ANXA13: variants seen among roughly 807,000 people sequenced by gnomAD.
ANXA13 encodes annexin XIII.
Under a neutral mutation model 46.6 loss-of-function variants are expected in ANXA13, and 36 were observed. The observed-to-expected ratio is 0.77, with a 90% CI of 0.59 to 1.02. The LOEUF is 1.02. Among genes scored for constraint, ANXA13 ranks in the 50% least tolerant of loss-of-function variants. The pLI, the probability that ANXA13 is intolerant of heterozygous loss-of-function variation, is 0.00. For synonymous variants in ANXA13, 163 were observed against 152.9 expected (o/e 1.07, Z -0.49); for missense variants, 417 against 396.5 (o/e 1.05, Z -0.44).
At chr8:123,695,328 T>C (rs1163079529) in intron 6 of ANXA13, among the ~76,000 whole-genome samples, 174 bp downstream of exon 6, 2 of 152,228 alleles carry the variant, frequency 1.3e-5, no homozygotes, top group Admixed American at 6.5e-5. Context: ...GTAATTCCAA[T>C]TGAATATAAT....
intron 1 of ANXA13, among the ~76,000 whole-genome samples, chr8:123,723,827 T>C (rs534624169): frequency 6.6e-6 from 1 of 152,336 alleles, no homozygotes; most frequent in East Asian, 1.9e-4. Context: ...GGCTAGGTTA[T>C]GTCATGTTCA....
intron 9 of ANXA13, 55 bp downstream of exon 9, chr8:123,688,816 A>T: frequency 6.6e-7 from 1 of 1,506,270 alleles, no homozygotes; most frequent in Non-Finnish European, 9.2e-7. Flanking sequence ...CCTCTGTCTG[A>T]GTCTGGTTCC....
intron 3 of ANXA13, among the ~76,000 whole-genome samples, chr8:123,700,865 C>G (rs901100521): frequency 4.6e-5 from 7 of 151,886 alleles, no homozygotes; most frequent in Non-Finnish European, 7.4e-5. Flanking sequence ...CTCTGTCACC[C>G]AGGCTGGAGT....
chr8:123,719,968 A>C (rs977177185), intron 1 of ANXA13, among the ~76,000 whole-genome samples: 2 of 152,136 alleles, frequency 1.3e-5, no homozygotes, highest in Admixed American at 1.3e-4. Flanking sequence ...TACGGTAAGC[A>C]CTCAGGTGGT....
At chr8:123,717,768 G>A (rs868380914) in intron 1 of ANXA13, among the ~76,000 whole-genome samples, 95 of 152,336 alleles carry the variant, frequency 6.2e-4, no homozygotes, top group African/African-American at 2.3e-3. Flanking sequence ...GTAGGGAGTA[G>A]GCCGAGGCGA....
At chr8:123,728,717 C>T (rs1418154788) in intron 1 of ANXA13, 2 of 152,078 alleles carry the variant, frequency 1.3e-5, no homozygotes. Context: ...GCTAAATTTG[C>T]TTTGAGCAAA....
chr8:123,722,270 A>G (rs568596424), intron 1 of ANXA13, among the ~76,000 whole-genome samples: 2 of 151,964 alleles, frequency 1.3e-5, no homozygotes, highest in South Asian at 4.2e-4. Context: ...CCGTGGTTGC[A>G]CTACTACACT....
Position 123,684,106 on chromosome 8 carries a change from G to A in ANXA13, c.831+504C>T, listed in dbSNP as rs553303509. Among the ~76,000 whole-genome samples, 5 of 152,316 alleles carry A rather than the reference G, an allele frequency of 3.3e-5. No individual in the cohort carries two copies. The South Asian group carries it at 6.2e-4, about 19-fold the overall frequency. On this transcript the variant is annotated intron_variant, in intron 10 of 10. Coordinates refer to ENST00000419625, the MANE Select transcript of ANXA13 (RefSeq NM_004306.4). ...TTTCTTGTGGGGAAGGGATGGCAAT[G>A]AAGAAACACGTGTCTAAAAAGGTTC...
At chr8:123,686,724 T>C (rs866761360) in intron 9 of ANXA13, among the ~76,000 whole-genome samples, 3 of 152,122 alleles carry the variant, frequency 2.0e-5, no homozygotes, top group Admixed American at 6.6e-5. Flanking sequence ...AGGGGGTCCA[T>C]AGACCTCACT....
chr8:123,685,628 T>C (rs1375599208), intron 9 of ANXA13, among the ~76,000 whole-genome samples: 4 of 152,208 alleles, frequency 2.6e-5, no homozygotes, highest in Non-Finnish European at 5.9e-5. Context: ...ATGGGGCTGT[T>C]GTTGTCTAGG....
intron 2 of ANXA13, among the ~76,000 whole-genome samples, chr8:123,710,221 C>A (rs1030719565): frequency 1.3e-5 from 2 of 152,182 alleles, no homozygotes; most frequent in Non-Finnish European, 1.5e-5. Flanking sequence ...ATGTAAAAAA[C>A]CTATCACTTG....
At chr8:123,717,220 A>G (rs543751518) in intron 1 of ANXA13, among the ~76,000 whole-genome samples, 6 of 152,112 alleles carry the variant, frequency 3.9e-5, no homozygotes, top group Non-Finnish European at 8.8e-5. Context: ...CTAAGCTACC[A>G]TTTCCTCATC....
intron 2 of ANXA13, 120 bp from the exon 3 acceptor site, chr8:123,702,856 A>T (rs1813470111): frequency 6.1e-6 from 5 of 818,490 alleles, no homozygotes; most frequent in Non-Finnish European, 1.0e-5. Context: ...GTGTCTATGG[A>T]ACCCAACGGA....
intron 1 of ANXA13, among the ~76,000 whole-genome samples, chr8:123,729,763 T>C (rs139311419): frequency 6.6e-6 from 1 of 152,230 alleles, no homozygotes; most frequent in African/African-American, 2.4e-5. Context: ...CCTGTTAGAA[T>C]TGACAATTAA....
chr8:123,717,171 C>A (rs1813772121), intron 1 of ANXA13, among the ~76,000 whole-genome samples: 1 of 152,226 alleles, frequency 6.6e-6, no homozygotes, highest in Non-Finnish European at 1.5e-5. Flanking sequence ...GAATGAGGAT[C>A]TGCCTCTTAG....
intron 8 of ANXA13, among the ~76,000 whole-genome samples, chr8:123,691,701 C>T (rs1210504309): frequency 1.3e-5 from 2 of 152,322 alleles, no homozygotes; most frequent in Middle Eastern, 3.4e-3. Context: ...ATTAAAATCA[C>T]CTGGAACACC....
At chr8:123,717,798 T>G (rs1303665047) in intron 1 of ANXA13, among the ~76,000 whole-genome samples, 2 of 152,232 alleles carry the variant, frequency 1.3e-5, no homozygotes, top group African/African-American at 4.8e-5. Flanking sequence ...GGGGCGTGTC[T>G]CAGCAGGTTT....
chr8:123,725,836 C>T (rs1276325249), intron 1 of ANXA13, among the ~76,000 whole-genome samples: 1 of 152,202 alleles, frequency 6.6e-6, no homozygotes, highest in African/African-American at 2.4e-5. Context: ...CCTCTTCCCA[C>T]ATTAGAAGTT....
intron 1 of ANXA13, among the ~76,000 whole-genome samples, chr8:123,733,759 G>A (rs1428752031): frequency 6.6e-6 from 1 of 152,172 alleles, no homozygotes; most frequent in East Asian, 1.9e-4. Flanking sequence ...GCACATTAGA[G>A]CCACCTGGGG....
Sources: allele counts gnomAD v4.1 joint callset (sites outside exome capture counted in the v4.1 genomes callset), GRCh38; gene constraint gnomAD v4.1.1; transcripts MANE v1.5; gene names NCBI Gene and HGNC (gene_info 2026-07-23, HGNC 2026-07-21).